The following ZBBX variants were observed in gnomAD, a reference collection of about 807,000 sequenced individuals.
ZBBX encodes the protein zinc finger B-box domain-containing protein 1.
ZBBX carries 101 observed loss-of-function variants against 108.5 expected under a neutral mutation model. The ratio of observed to expected loss-of-function variants is 0.93; its 90% CI spans 0.79 to 1.10. The LOEUF (loss-of-function observed/expected upper bound fraction) is 1.10. ZBBX is among the 50% of genes least tolerant of loss of function. The pLI, the probability that ZBBX is intolerant of heterozygous loss-of-function variation, is 0.00. For synonymous variants in ZBBX, 356 were observed against 323.4 expected, an observed-to-expected ratio of 1.10 and a Z score of -1.08; for missense variants, 1,009 against 941.4, an observed-to-expected ratio of 1.07 and a Z score of -0.94.
chr3:167,302,299 T>G (rs145514898), intron 17 of ZBBX, among the ~76,000 whole-genome samples: 1 of 152,152 alleles, frequency 6.6e-6, no homozygotes, highest in Non-Finnish European at 1.5e-5. Flanking sequence ...AATAATACCA[T>G]GTGGTTTTGT....
chr3:167,280,123 T>C (rs1354644245), intron 20 of ZBBX, among the ~76,000 whole-genome samples: 3 of 152,068 alleles, frequency 2.0e-5, no homozygotes, highest in Non-Finnish European at 4.4e-5. Context: ...ACTTAAACTT[T>C]AGACCAAAAA....
intron 1 of ZBBX, among the ~76,000 whole-genome samples, chr3:167,385,508 A>G (rs1029981720): frequency 6.6e-6 from 1 of 152,042 alleles, no homozygotes; most frequent in Non-Finnish European, 1.5e-5. Context: ...TTCTTTTAAT[A>G]TAAATTAGCC....
chr3:167,242,430 T>C (rs552333224), intron 21 of ZBBX, 75 bp downstream of exon 21: 6 of 1,233,824 alleles, frequency 4.9e-6, no homozygotes, highest in Non-Finnish European at 4.4e-6. Flanking sequence ...CTATATATAA[T>C]AAAGATAACT....
At chr3:167,288,370 G>A (rs1256563518) in intron 19 of ZBBX, among the ~76,000 whole-genome samples, 1 of 152,086 alleles carries the variant, frequency 6.6e-6, no homozygotes, top group Non-Finnish European at 1.5e-5. Context: ...GTAATGAACT[G>A]AAATGAAGAT....
At chr3:167,197,746 GT>G in the ZBBX span, among the ~76,000 whole-genome samples, 4 of 152,088 alleles carry the variant, frequency 2.6e-5, no homozygotes, top group African/African-American at 9.7e-5. Flanking sequence ...AAAAAATTAA[GT>G]TGTTATTAAA....
intron 8 of ZBBX, 73 bp from the exon 9 acceptor site, chr3:167,350,588 G>C: frequency 5.6e-6 from 6 of 1,080,016 alleles, no homozygotes; most frequent in Non-Finnish European, 7.8e-6. Context: ...TTTGCATAAA[G>C]ATGTCTTGTT....
At chr3:167,364,673 T>C (rs1489591925) in intron 6 of ZBBX, among the ~76,000 whole-genome samples, 3 of 152,038 alleles carry the variant, frequency 2.0e-5, no homozygotes, top group Admixed American at 2.0e-4. Flanking sequence ...AACTGTTGAC[T>C]GGTATTAAAA....
chr3:167,277,291 C>T (rs1354804593), intron 20 of ZBBX, among the ~76,000 whole-genome samples: 1 of 146,914 alleles, frequency 6.8e-6, no homozygotes, highest in Non-Finnish European at 1.5e-5. Flanking sequence ...TTAAAAGACA[C>T]ACACAGACTG....
intron 9 of ZBBX, among the ~76,000 whole-genome samples, chr3:167,337,717 A>G (rs1739810363): frequency 6.6e-6 from 1 of 152,160 alleles, no homozygotes; most frequent in Non-Finnish European, 1.5e-5. Flanking sequence ...TTAAAAGAGC[A>G]TATCTAGATT....
the ZBBX span, among the ~76,000 whole-genome samples, chr3:167,227,383 A>C: frequency 6.6e-6 from 1 of 151,766 alleles, no homozygotes; most frequent in African/African-American, 2.4e-5. Context: ...GGAAGGACAA[A>C]GCATTATATT....
chr3:167,360,892 C>G (rs1265711668), intron 6 of ZBBX, among the ~76,000 whole-genome samples, 169 bp from the exon 7 acceptor site: 1 of 151,652 alleles, frequency 6.6e-6, no homozygotes, highest in Non-Finnish European at 1.5e-5. Context: ...ATATATGTAC[C>G]TTTTAATTAA....
intron 21 of ZBBX, 146 bp from the exon 22 acceptor site, chr3:167,241,065 A>C (rs947007864): frequency 2.6e-6 from 2 of 762,888 alleles, no homozygotes; most frequent in Non-Finnish European, 3.9e-6. Flanking sequence ...CATAATTTTC[A>C]ATGTGCCCAA....
chr3:167,271,536 G>A (rs941225258), intron 20 of ZBBX, among the ~76,000 whole-genome samples: 1 of 152,184 alleles, frequency 6.6e-6, no homozygotes, highest in African/African-American at 2.4e-5. Flanking sequence ...AAAGGGAAAT[G>A]CTATCCAAAC....
intron 9 of ZBBX, among the ~76,000 whole-genome samples, chr3:167,338,265 C>T (rs1232411268): frequency 1.3e-5 from 2 of 152,140 alleles, no homozygotes; most frequent in Non-Finnish European, 2.9e-5. Flanking sequence ...TTTCAAATTA[C>T]ACTCTAGAAG....
intron 17 of ZBBX, among the ~76,000 whole-genome samples, chr3:167,302,850 G>A (rs1198881200): frequency 6.6e-6 from 1 of 152,198 alleles, no homozygotes; most frequent in Non-Finnish European, 1.5e-5. Flanking sequence ...TGTGTTACAG[G>A]AGAGAAATCC....
At chr3:167,228,062 T>C in the ZBBX span, among the ~76,000 whole-genome samples, 5 of 151,720 alleles carry the variant, frequency 3.3e-5, no homozygotes, top group Non-Finnish European at 7.4e-5. Context: ...ACCCCAAAAA[T>C]ACCTTCAAAC....
In ZBBX at chr3:167,240,809, C is replaced by G. The variant is rs1438206780; in HGVS notation, c.2504G>C (p.Trp835Ser). 3 of 1,613,112 alleles carry G rather than the reference C, an allele frequency of 1.9e-6. No homozygotes were observed. Among genetic ancestry groups the G allele is most frequent in the Non-Finnish European group, 2.5e-6 (3 of 1,179,346 alleles). ...LNKQHVITLPWSKST is the reference protein window; with the variant it reads ...LNKQHVITLPSSKST ...AAATAATCTTTAAGTACTCTTTGAC[C>G]ACGGTAGTGTGATGACATGTTGCTT... The change falls in exon 22 of 22, where the codon TGG becomes TCG. Residue 835 changes from tryptophan (W) to serine (S), a missense_variant. Coordinates refer to ENST00000675490, the MANE Select transcript of ZBBX (RefSeq NM_001199201.2).
At chr3:167,281,807 T>A (rs1728857223) in intron 20 of ZBBX, among the ~76,000 whole-genome samples, 1 of 152,184 alleles carries the variant, frequency 6.6e-6, no homozygotes, top group South Asian at 2.1e-4. Context: ...GGTGACAAGA[T>A]CCCCTGAATG....
chr3:167,324,620 T>C (rs1034415588), intron 11 of ZBBX, among the ~76,000 whole-genome samples: 9 of 152,170 alleles, frequency 5.9e-5, no homozygotes, highest in East Asian at 3.9e-4. Flanking sequence ...TCTCTGTGAA[T>C]TGAAACACTG....
Sources: gnomAD v4.1 joint callset for allele counts (sites outside exome capture counted in the v4.1 genomes callset) on GRCh38, gnomAD v4.1.1 for gene constraint, MANE v1.5 for transcripts, NCBI Gene and HGNC (gene_info 2026-07-23, HGNC 2026-07-21) for gene names.